Variants in PVT1 observed in about 807,000 individuals in gnomAD.
The protein encoded by PVT1 is CXCR4/PVT1 fusion.
intron 4 of PVT1, among the ~76,000 whole-genome samples, chr8:128,032,811 A>G (rs1047188998): frequency 2.0e-5 from 3 of 152,150 alleles, no homozygotes; most frequent in African/African-American, 7.2e-5. Flanking sequence ...AGCTGGGGGA[A>G]TGTCGTTCTT....
chr8:127,886,980 T>G (rs1295391299), intron 2 of PVT1, among the ~76,000 whole-genome samples: 1 of 152,196 alleles, frequency 6.6e-6, no homozygotes, highest in Non-Finnish European at 1.5e-5. Flanking sequence ...AGGTAGTTAA[T>G]TCAGTAATCT....
At chr8:127,870,289 C>A (rs1443913651) in intron 2 of PVT1, among the ~76,000 whole-genome samples, 1 of 152,108 alleles carries the variant, frequency 6.6e-6, no homozygotes, top group Non-Finnish European at 1.5e-5. Flanking sequence ...AGCTACAAGC[C>A]AAGGAGCTCC....
chr8:127,809,123 A>G (rs1814563243), intron 2 of PVT1, among the ~76,000 whole-genome samples: 1 of 151,638 alleles, frequency 6.6e-6, no homozygotes, highest in African/African-American at 2.4e-5. Context: ...TTAGCTAGCT[A>G]GAGACCTTCC....
At chr8:128,035,934 T>C (rs183574132) in intron 4 of PVT1, among the ~76,000 whole-genome samples, 16 of 152,370 alleles carry the variant, frequency 1.1e-4, no homozygotes, top group South Asian at 2.1e-4. Flanking sequence ...TTTTAGTTCC[T>C]TATGACTTAG....
intron 2 of PVT1, among the ~76,000 whole-genome samples, chr8:127,837,799 G>A (rs1814925609): frequency 6.6e-6 from 1 of 152,018 alleles, no homozygotes; most frequent in Non-Finnish European, 1.5e-5. Flanking sequence ...ACTCTTTTGT[G>A]TTGTCAGGTA....
chr8:128,063,144 G>C (rs926814559), intron 4 of PVT1, among the ~76,000 whole-genome samples: 1 of 152,104 alleles, frequency 6.6e-6, no homozygotes, highest in African/African-American at 2.4e-5. Context: ...CTGGCACCAT[G>C]AAAACCAGCA....
intron 4 of PVT1, among the ~76,000 whole-genome samples, chr8:128,020,828 G>A (rs1043118837): frequency 6.6e-6 from 1 of 152,178 alleles, no homozygotes; most frequent in African/African-American, 2.4e-5. Context: ...CCCAGGCCCC[G>A]CTTTTTCCAG....
At chr8:128,075,224 C>T (rs1814069902) in intron 5 of PVT1, among the ~76,000 whole-genome samples, 1 of 152,014 alleles carries the variant, frequency 6.6e-6, no homozygotes, top group Admixed American at 6.6e-5. Flanking sequence ...AGATCCCTTT[C>T]TTTATTTTCC....
At chr8:128,075,332 T>C (rs1454070690) in intron 5 of PVT1, among the ~76,000 whole-genome samples, 1 of 152,204 alleles carries the variant, frequency 6.6e-6, no homozygotes, top group African/African-American at 2.4e-5. Flanking sequence ...GAACATATTC[T>C]TGTGGTCAGG....
intron 2 of PVT1, among the ~76,000 whole-genome samples, chr8:127,797,200 T>C (rs1372035580): frequency 6.6e-6 from 1 of 152,108 alleles, no homozygotes; most frequent in Non-Finnish European, 1.5e-5. Flanking sequence ...GCCTGGCTAA[T>C]TTTGTATTTT....
chr8:128,008,093 C>CA (rs1182168526), intron 4 of PVT1, among the ~76,000 whole-genome samples: 1 of 152,234 alleles, frequency 6.6e-6, no homozygotes, highest in Non-Finnish European at 1.5e-5. Flanking sequence ...GGCCATGTGA[C>CA]AATCGTTGCA....
At chr8:127,910,772 G>A (rs1404520338) in intron 3 of PVT1, among the ~76,000 whole-genome samples, 1 of 152,170 alleles carries the variant, frequency 6.6e-6, no homozygotes, top group African/African-American at 2.4e-5. Context: ...GATCAGAGAG[G>A]CTAAGTATAA....
In PVT1 at chr8:127,928,641, G is replaced by A. The variant is rs552682569; in HGVS notation, n.782+37643G>A. On this transcript the variant is annotated intron_variant and non_coding_transcript_variant, in intron 3 of 10. Coordinates refer to ENST00000651587, the Ensembl canonical transcript of PVT1. ...CCCACCCTATCCCCCAGAGGGGTGC[G>A]GTGAGTAAGGGGGTGGCAACTGGTT... 1.6e-4 allele frequency among the ~76,000 whole-genome samples: 24 copies of A among 152,294 alleles called. No homozygotes were observed. The South Asian group carries it at 3.9e-3, about 25-fold the overall frequency.
At chr8:127,834,513 A>G (rs528025693) in intron 2 of PVT1, among the ~76,000 whole-genome samples, 55 of 152,356 alleles carry the variant, frequency 3.6e-4, no homozygotes, top group African/African-American at 1.2e-3. Context: ...GGCATGGGCA[A>G]AGACTTCATG....
intron 3 of PVT1, among the ~76,000 whole-genome samples, chr8:127,904,375 T>C (rs962064781): frequency 1.5e-4 from 4 of 27,024 alleles, no homozygotes; most frequent in African/African-American, 7.7e-4. Flanking sequence ...AATGCTGAAT[T>C]TGACTGCCCC....
chr8:127,843,848 C>A (rs1815000517), intron 2 of PVT1, among the ~76,000 whole-genome samples: 1 of 151,966 alleles, frequency 6.6e-6, no homozygotes, highest in African/African-American at 2.4e-5. Context: ...TTGAGAGAAG[C>A]ACCTTTCTTT....
chr8:127,838,991 G>T (rs1814942197), intron 2 of PVT1, among the ~76,000 whole-genome samples: 1 of 152,172 alleles, frequency 6.6e-6, no homozygotes, highest in Non-Finnish European at 1.5e-5. Flanking sequence ...CCGATGTTCA[G>T]TACAGTAACA....
At position 127,980,489 on chromosome 8, in the gene PVT1, T is replaced by C. The variant is rs139122051; in HGVS notation, n.783-8673T>C. ...AGCGTTGGGCTCAGTGTTTCCTGGGTTCCCTAGAAGGTGGCTTATTGAGCT... is the reference window on the plus strand; with the variant it reads ...AGCGTTGGGCTCAGTGTTTCCTGGGCTCCCTAGAAGGTGGCTTATTGAGCT... On this transcript the variant is annotated intron_variant and non_coding_transcript_variant, in intron 3 of 10. Transcript: ENST00000651587. 3.9e-5 allele frequency among the ~76,000 whole-genome samples: 6 copies of C among 152,184 alleles called. No homozygotes were observed. In the East Asian group the frequency reaches 1.2e-3, roughly 29 times the overall value.
At chr8:127,874,602 A>C (rs1461366080) in intron 2 of PVT1, among the ~76,000 whole-genome samples, 2 of 151,984 alleles carry the variant, frequency 1.3e-5, no homozygotes, top group Admixed American at 6.6e-5. Context: ...TCTGAGCCAC[A>C]CTCAAATTCT....
Sources: gnomAD v4.1 joint callset for allele counts (sites outside exome capture counted in the v4.1 genomes callset) on GRCh38, gnomAD v4.1.1 for gene constraint, MANE v1.5 for transcripts, NCBI Gene and HGNC (gene_info 2026-07-23, HGNC 2026-07-21) for gene names.